SLC44A5: variants seen among roughly 807,000 people sequenced by gnomAD.
SLC44A5 encodes the protein solute carrier family 44 member 5.
A neutral mutation model predicts 101.8 loss-of-function variants in SLC44A5; 57 were observed. The observed-to-expected ratio is 0.56, with a 90% CI of 0.45 to 0.70. The LOEUF (loss-of-function observed/expected upper bound fraction) is 0.70, where lower values mean the gene tolerates loss of function less well. Ranked by LOEUF, SLC44A5 falls within the 30% of genes least tolerant of loss-of-function variation. The pLI is 0.00. For missense variants in SLC44A5, 737 were observed against 853.1 expected, an observed-to-expected ratio of 0.86 and a Z score of 1.70; for synonymous variants, 281 against 290.9, an observed-to-expected ratio of 0.97 and a Z score of 0.35.
chr1:75,435,399 T>A (rs1287710081), intron 2 of SLC44A5, among the ~76,000 whole-genome samples: 3 of 152,192 alleles, frequency 2.0e-5, no homozygotes, highest in African/African-American at 7.2e-5. Flanking sequence ...ATCTTTTACA[T>A]CAGCATCACT....
At chr1:75,565,360 A>C (rs566953322) in intron 1 of SLC44A5, among the ~76,000 whole-genome samples, 1 of 152,358 alleles carries the variant, frequency 6.6e-6, no homozygotes, top group African/African-American at 2.4e-5. Flanking sequence ...GAGAACAATC[A>C]AGCTCTTGGT....
At chr1:75,308,391 A>AT (rs564898630) in intron 4 of SLC44A5, among the ~76,000 whole-genome samples, 10,955 of 145,626 alleles carry the variant, frequency 0.075, 1,180 homozygotes, top group African/African-American at 0.24. Context: ...TTGAAACCTG[A>AT]TTTTTTTTTT....
At chr1:75,682,170 C>T in the SLC44A5 span, among the ~76,000 whole-genome samples, 1 of 152,128 alleles carries the variant, frequency 6.6e-6, no homozygotes, top group Non-Finnish European at 1.5e-5. Context: ...GTGAAAATGG[C>T]CATACTGCCC....
chr1:75,283,060 T>G (rs1046004892), intron 5 of SLC44A5, among the ~76,000 whole-genome samples: 1 of 152,218 alleles, frequency 6.6e-6, no homozygotes, highest in African/African-American at 2.4e-5. Flanking sequence ...GATCTACTTT[T>G]AGTTCTTTAA....
At chr1:75,375,882 G>A (rs894792888) in intron 3 of SLC44A5, among the ~76,000 whole-genome samples, 1 of 152,236 alleles carries the variant, frequency 6.6e-6, no homozygotes, top group African/African-American at 2.4e-5. Context: ...CCCAGCGTGA[G>A]TGACACAGAA....
chr1:75,667,422 A>G, the SLC44A5 span, among the ~76,000 whole-genome samples: 1 of 152,190 alleles, frequency 6.6e-6, no homozygotes, highest in Non-Finnish European at 1.5e-5. Flanking sequence ...TCAACGAAAT[A>G]AGAGAGGACA....
At chr1:75,680,707 A>G in the SLC44A5 span, among the ~76,000 whole-genome samples, 6 of 151,508 alleles carry the variant, frequency 4.0e-5, no homozygotes, top group Non-Finnish European at 7.4e-5. Flanking sequence ...AAGAACTAGA[A>G]AAGCAAGAGC....
At chr1:75,243,768 T>G (rs1412968258) in intron 7 of SLC44A5, among the ~76,000 whole-genome samples, 1 of 152,046 alleles carries the variant, frequency 6.6e-6, no homozygotes, top group Non-Finnish European at 1.5e-5. Flanking sequence ...TCCCCAGTGT[T>G]GGAGATGGGG....
chr1:75,481,874 ATTTCTAGATTT>A (rs1667879012), intron 2 of SLC44A5, among the ~76,000 whole-genome samples: 1 of 152,182 alleles, frequency 6.6e-6, no homozygotes, highest in East Asian at 1.9e-4. Context: ...AGAACTTGAA[ATTTCTAGATTT>A]TGACTAGAAT....
intron 10 of SLC44A5, among the ~76,000 whole-genome samples, chr1:75,237,620 T>C (rs1406379156): frequency 6.6e-6 from 1 of 152,094 alleles, no homozygotes; most frequent in Non-Finnish European, 1.5e-5. Context: ...ATTCTGACTT[T>C]TGTGATAATT....
Position 75,397,427 on chromosome 1 carries a change from T to C in SLC44A5, c.14-806A>G, listed in dbSNP as rs1018785016. ...GAGATTACAATGCTTGGTTTCCCCA[T>C]TGATTTTTCATCAATCGGACTAACA... On this transcript the variant is annotated intron_variant, in intron 2 of 23. Coordinates refer to ENST00000370859, the MANE Select transcript of SLC44A5 (RefSeq NM_001130058.2). 5.9e-5 allele frequency among the ~76,000 whole-genome samples: 9 copies of C among 152,168 alleles called. 1 individual carries two copies. In the South Asian group the frequency reaches 1.9e-3, roughly 31 times the overall value.
chr1:75,647,979 G>A, the SLC44A5 span, among the ~76,000 whole-genome samples: 24 of 152,266 alleles, frequency 1.6e-4, no homozygotes, highest in Admixed American at 7.2e-4. Flanking sequence ...GTTTTGAAAC[G>A]TGAGAAAGAC....
chr1:75,699,820 GC>G, the SLC44A5 span, among the ~76,000 whole-genome samples: 1 of 151,978 alleles, frequency 6.6e-6, no homozygotes, highest in South Asian at 2.1e-4. Context: ...GATCTACCAA[GC>G]AAATGGAAAA....
At chr1:75,450,688 T>C (rs1386172279) in intron 2 of SLC44A5, among the ~76,000 whole-genome samples, 3 of 152,168 alleles carry the variant, frequency 2.0e-5, no homozygotes. Context: ...GGTACCCCAG[T>C]CTGCTACCCT....
At chr1:75,659,490 AAGGCAGGC>A in the SLC44A5 span, among the ~76,000 whole-genome samples, 10 of 42,364 alleles carry the variant, frequency 2.4e-4, no homozygotes, top group South Asian at 9.3e-4. Flanking sequence ...GGAAGGAAGG[AAGGCAGGC>A]AGGCAGGCAG....
At chr1:75,462,236 T>G (rs140084435) in intron 2 of SLC44A5, among the ~76,000 whole-genome samples, 4 of 152,222 alleles carry the variant, frequency 2.6e-5, no homozygotes, top group African/African-American at 9.6e-5. Context: ...AGAACAAGAG[T>G]CTGCCTGGTA....
chr1:75,500,297 CT>C (rs1375429718), intron 2 of SLC44A5, among the ~76,000 whole-genome samples: 2 of 152,182 alleles, frequency 1.3e-5, no homozygotes, highest in African/African-American at 4.8e-5. Flanking sequence ...ATATGTGTCA[CT>C]TGTGGCCAGG....
chr1:75,370,989 T>A (rs115798263), intron 3 of SLC44A5, among the ~76,000 whole-genome samples: 228 of 152,074 alleles, frequency 1.5e-3, no homozygotes, highest in African/African-American at 5.4e-3. Flanking sequence ...GAAAGAGGAG[T>A]GAGGAGAAGG....
chr1:75,598,798 G>C (rs974433680), intron 1 of SLC44A5, among the ~76,000 whole-genome samples: 4 of 152,122 alleles, frequency 2.6e-5, no homozygotes, highest in Non-Finnish European at 4.4e-5. Context: ...GGAGGAGGGA[G>C]AGGATCAGGA....
Sources: gnomAD v4.1 joint callset for allele counts (sites outside exome capture counted in the v4.1 genomes callset) on GRCh38, gnomAD v4.1.1 for gene constraint, MANE v1.5 for transcripts, NCBI Gene and HGNC (gene_info 2026-07-23, HGNC 2026-07-21) for gene names.